KIN: variants seen among roughly 807,000 people sequenced by gnomAD.
KIN encodes the protein DNA/RNA-binding protein KIN17.
A neutral mutation model predicts 63.0 loss-of-function variants in KIN; 47 were observed. The ratio of observed to expected loss-of-function variants is 0.75; its 90% CI spans 0.59 to 0.95. The LOEUF is 0.95. Ranked by LOEUF, KIN falls within the 40% of genes least tolerant of loss-of-function variation. KIN has a pLI of 0.00. For synonymous variants in KIN, 160 were observed against 157.7 expected, an observed-to-expected ratio of 1.01 and a Z score of -0.11; for missense variants, 408 against 460.9, an observed-to-expected ratio of 0.89 and a Z score of 1.05.
At chr10:7,783,021 A>G (rs1344086911) in intron 2 of KIN, 60 bp downstream of exon 2, 1 of 750,594 alleles carries the variant, frequency 1.3e-6, no homozygotes, top group Non-Finnish European at 2.2e-6. Context: ...AATATTAACC[A>G]TCTATTAAAT....
intron 10 of KIN, among the ~76,000 whole-genome samples, chr10:7,763,450 C>T (rs1312923468): frequency 6.6e-6 from 1 of 152,156 alleles, no homozygotes; most frequent in Non-Finnish European, 1.5e-5. Flanking sequence ...ACAAGCAAGG[C>T]ATGCATGCTG....
At chr10:7,763,821 G>A (rs759088523) in intron 9 of KIN, 30 bp from the exon 10 acceptor site, 5 of 1,080,770 alleles carry the variant, frequency 4.6e-6, no homozygotes, top group South Asian at 2.7e-5. Context: ...AAAATGAAAG[G>A]AAAGACAGAA....
Position 7,777,903 on chromosome 10 carries a change from C to CA in KIN, c.558+934_558+935insT, listed in dbSNP as rs200281489. On this transcript the variant is annotated intron_variant, in intron 5 of 12. Transcript: ENST00000379562. ...GACAGAGTGAGACTCCGTCCCCCCC[C>CA]CAAAAAAAAAAAAAATGTAAGCCAC... is the stretch of plus-strand genomic sequence containing the variant. 1.5e-3 allele frequency among the ~76,000 whole-genome samples: 200 copies of CA among 131,148 alleles called. 1 individual carries two copies. The highest frequency in any genetic ancestry group is 3.7e-3 in the Middle Eastern group (1 of 272). 86.0% of individuals were successfully genotyped at this position (131,148 alleles called of 152,430 possible). A position where few individuals can be genotyped will look rare whatever the true frequency, so the allele number is the denominator to read the frequency against.
intron 4 of KIN, among the ~76,000 whole-genome samples, chr10:7,779,284 G>A (rs1835848901): frequency 6.6e-6 from 1 of 152,110 alleles, no homozygotes; most frequent in South Asian, 2.1e-4. Context: ...GTGCACACCT[G>A]TAATCCCAGC....
rs574697873 is a variant in KIN, at chr10:7,774,838, T to C, written c.661A>G (p.Lys221Glu). ...GTGAATGATGCAGCTCACCTTGACT[T>C]GGAAGATGTTGCTCCGGATGAGCTA... The part of the protein sequence containing the change: ...ACSSSGATSS[K>E]SSTLGPSALK... The change falls in exon 7 of 13, where the codon AAG (lysine) becomes GAG (glutamate). Residue 221 changes from lysine to glutamate, a missense_variant. Physicochemically the swap from Lys to Glu is moderately conservative, Grantham distance 56. This residue lies in a region of KIN where 298 missense variants were observed against 296.0 expected (regional missense o/e 1.01). Coordinates refer to ENST00000379562, the MANE Select transcript of KIN (RefSeq NM_012311.4). The C allele has an allele frequency of 4.3e-6, 7 of 1,612,548 alleles. No homozygotes were observed. The South Asian group carries it at 7.7e-5, about 18-fold the overall frequency.
At chr10:7,766,026 C>T (rs202015479) in intron 9 of KIN, 27 bp downstream of exon 9, 4 of 1,566,488 alleles carry the variant, frequency 2.6e-6, no homozygotes, top group East Asian at 2.3e-5. Flanking sequence ...ACATTTAGAA[C>T]TTAAGAAACT....
chr10:7,768,512 G>C (rs577628878), intron 8 of KIN, among the ~76,000 whole-genome samples: 2 of 151,476 alleles, frequency 1.3e-5, no homozygotes, highest in Non-Finnish European at 2.9e-5. Flanking sequence ...GCAACAGAGA[G>C]AGACTGTCTC....
At chr10:7,765,269 G>A (rs1433163434) in intron 9 of KIN, among the ~76,000 whole-genome samples, 1 of 151,906 alleles carries the variant, frequency 6.6e-6, no homozygotes, top group Non-Finnish European at 1.5e-5. Flanking sequence ...GACCAGCCTG[G>A]GCAAAAGAGT....
intron 8 of KIN, among the ~76,000 whole-genome samples, chr10:7,767,668 GC>G (rs924665162): frequency 2.0e-5 from 3 of 151,952 alleles, no homozygotes; most frequent in African/African-American, 7.3e-5. Context: ...GATCAGCCTG[GC>G]CAGCATAGTG....
intron 5 of KIN, 120 bp from the exon 6 acceptor site, chr10:7,775,919 G>C: frequency 1.8e-6 from 1 of 557,752 alleles, no homozygotes; most frequent in Non-Finnish European, 3.2e-6. Flanking sequence ...AAGTGATTAA[G>C]ATCCTAATTA....
rs1835289970 is a variant in KIN at position 7,754,324 on chromosome 10, G to A, written c.*1756C>T. 26 of 298,708 alleles carry A rather than the reference G, an allele frequency of 8.7e-5. No homozygotes were observed. The highest frequency in any genetic ancestry group is 7.3e-4 in the South Asian group (26 of 35,434). 18.5% of individuals were successfully genotyped at this position (298,708 alleles called of 1,614,324 possible). A position where few individuals can be genotyped will look rare whatever the true frequency, so the allele number is the denominator to read the frequency against. ...CACTCCAGGCTGGATGACAGAGCAA[G>A]ACCCTATCTCAAAAAACAGAACAAA... On this transcript the variant is annotated 3_prime_UTR_variant, in exon 13 of 13. Coordinates refer to ENST00000379562, the MANE Select transcript of KIN (RefSeq NM_012311.4).
At chr10:7,777,246 C>CT (rs34850717) in intron 5 of KIN, among the ~76,000 whole-genome samples, 48,874 of 144,450 alleles carry the variant, frequency 0.34, 8,707 homozygotes, top group Non-Finnish European at 0.42. Context: ...AAAGCAAAAG[C>CT]TTTTTTTTTT....
chr10:7,777,053 CA>C (rs60757813), intron 5 of KIN, among the ~76,000 whole-genome samples: 25,421 of 79,600 alleles, frequency 0.32, 1,458 homozygotes, highest in Middle Eastern at 0.43. Flanking sequence ...GACAGTCTCT[CA>C]AAAAAAAAAA....
At chr10:7,765,438 A>AT (rs1201919496) in intron 9 of KIN, among the ~76,000 whole-genome samples, 1 of 131,216 alleles carries the variant, frequency 7.6e-6, no homozygotes, top group East Asian at 2.0e-4. Context: ...CTATTTAAAA[A>AT]TAAAAAAAAG....
chr10:7,776,267 A>G (rs1835769472), intron 5 of KIN, among the ~76,000 whole-genome samples: 1 of 148,320 alleles, frequency 6.7e-6, no homozygotes, highest in Non-Finnish European at 1.5e-5. Flanking sequence ...TTGGCCCAGT[A>G]TGGTGGCTCA....
intron 7 of KIN, among the ~76,000 whole-genome samples, chr10:7,774,405 A>C (rs981237653): frequency 1.3e-5 from 2 of 152,242 alleles, no homozygotes; most frequent in African/African-American, 2.4e-5. Flanking sequence ...TATATAGCGA[A>C]TAAGGAACCG....
intron 11 of KIN, 30 bp from the exon 12 acceptor site, chr10:7,760,020 G>T: frequency 9.5e-7 from 1 of 1,055,220 alleles, no homozygotes; most frequent in Non-Finnish European, 1.4e-6. Context: ...AAAAATTAAT[G>T]TGAAGAAATA....
intron 7 of KIN, among the ~76,000 whole-genome samples, chr10:7,771,530 T>G (rs1835664961): frequency 6.6e-6 from 1 of 152,226 alleles, no homozygotes; most frequent in East Asian, 1.9e-4. Flanking sequence ...CTATAAATTA[T>G]TTCAGTATTT....
intron 7 of KIN, among the ~76,000 whole-genome samples, chr10:7,772,425 C>T (rs1028823299): frequency 6.6e-6 from 1 of 152,170 alleles, no homozygotes; most frequent in Admixed American, 6.5e-5. Flanking sequence ...TGAATTCTAG[C>T]CTTTCTCAAA....
Sources: allele counts gnomAD v4.1 joint callset (sites outside exome capture counted in the v4.1 genomes callset), GRCh38; gene constraint gnomAD v4.1.1; regional missense constraint gnomAD v4.1.1; transcripts MANE v1.5; gene names NCBI Gene and HGNC (gene_info 2026-07-23, HGNC 2026-07-21).